TIA1: variants seen among roughly 807,000 people sequenced by gnomAD.
The protein encoded by TIA1 is TIA1 cytotoxic granule associated RNA binding protein.
In TIA1, 23 loss-of-function variants were observed where a neutral mutation model predicts 65.9. The observed-to-expected ratio is 0.35, with a 90% CI of 0.25 to 0.49. The LOEUF (loss-of-function observed/expected upper bound fraction) is 0.49. Among genes scored for constraint, TIA1 ranks in the 20% least tolerant of loss-of-function variants. The probability of loss-of-function intolerance (pLI) is 0.98; values close to 1 mark genes in which losing one functional copy is unlikely to be tolerated. For synonymous variants in TIA1, 147 were observed against 149.4 expected (o/e 0.98, Z 0.12); for missense variants, 371 against 477.9 (o/e 0.78, Z 2.09).
chr2:70,224,923 A>T, intron 6 of TIA1: 1 of 1,119,044 alleles, frequency 8.9e-7, no homozygotes, highest in Non-Finnish European at 1.1e-6. Context: ...GCAGCTACTC[A>T]CATGAACTAC....
At chr2:70,215,068 G>C in intron 11 of TIA1, 1 of 275,548 alleles carries the variant, frequency 3.6e-6, no homozygotes. Flanking sequence ...GCATGCTTGT[G>C]AGTTCTCCAA....
chr2:70,214,643 AAAAAAAAAAAAAAAAC>A, intron 11 of TIA1, 149 bp from the exon 12 acceptor site: 1 of 493,614 alleles, frequency 2.0e-6, no homozygotes, highest in Non-Finnish European at 3.3e-6. Context: ...AAAAAAAAAA[AAAAAAAAAAAAAAAAC>A]AAAAAACAAC....
intron 8 of TIA1, 81 bp from the exon 9 acceptor site, chr2:70,216,580 G>T: frequency 7.2e-7 from 1 of 1,391,164 alleles, no homozygotes; most frequent in Non-Finnish European, 1.0e-6. Context: ...CTACACTACT[G>T]TAAAGGTAAC....
At chr2:70,248,648 A>G (rs928567396), upstream of TIA1, 11 of 636,786 alleles carry the variant, frequency 1.7e-5, no homozygotes, top group Non-Finnish European at 3.0e-5. Flanking sequence ...GCCTAGGAGC[A>G]GCCAGCAAAG....
At chr2:70,216,548 A>G (rs751104389) in intron 8 of TIA1, 49 bp from the exon 9 acceptor site, 13 of 1,552,840 alleles carry the variant, frequency 8.4e-6, no homozygotes, top group Non-Finnish European at 1.1e-5. Context: ...TAAAATGTGC[A>G]GAAAGAGAAA....
At position 70,230,477 on chromosome 2, in the gene TIA1, C is replaced by T. The variant is rs41291185; in HGVS notation, c.222+279G>A. 0.05 allele frequency among the ~76,000 whole-genome samples: 7,586 copies of T among 151,892 alleles called. 295 individuals are homozygous for T. Among genetic ancestry groups the T allele is most frequent in the Non-Finnish European group, 0.072 (4,920 of 67,938 alleles). The stretch of plus-strand genomic sequence containing the variant: ...ACCAGTCTGGCTAACATGGTGAAAC[C>T]TCATTTCTACTAAAAATACGAAAAA... On this transcript the variant is annotated intron_variant, in intron 3 of 12. Transcript: ENST00000433529.
intron 6 of TIA1, chr2:70,224,949 G>A (rs890680504): frequency 2.8e-6 from 3 of 1,070,400 alleles, no homozygotes; most frequent in Non-Finnish European, 3.4e-6. Flanking sequence ...CACTTATAAA[G>A]TTCACAGGAC....
chr2:70,229,753 T>A (rs1021902792), intron 3 of TIA1, among the ~76,000 whole-genome samples: 5 of 151,508 alleles, frequency 3.3e-5, no homozygotes, highest in African/African-American at 7.3e-5. Context: ...AGCCTGGCCA[T>A]CAGAGTGAAA....
rs749223739 is a variant in TIA1, at chr2:70,248,509, G to C, written c.-79C>G. 6.3e-7 allele frequency: 1 copy of C among 1,595,544 alleles called. No individual in the cohort carries two copies. The highest frequency in any genetic ancestry group is 1.3e-5 in the African/African-American group (1 of 74,892). On this transcript the variant is annotated 5_prime_UTR_variant, in exon 1 of 13. Coordinates refer to ENST00000433529, the MANE Select transcript of TIA1 (RefSeq NM_022173.4). ...CTCCCAAATCGTTTAAGCGGTTATG[G>C]CTACAGGATAGTGGGGTTTCTCGGC...
chr2:70,223,916 TTTTATTTA>T (rs1188265779), intron 7 of TIA1, among the ~76,000 whole-genome samples: 1 of 151,414 alleles, frequency 6.6e-6, no homozygotes, highest in Non-Finnish European at 1.5e-5. Context: ...ATCACAGTAT[TTTTATTTA>T]TTTATTTATT....
intron 2 of TIA1, among the ~76,000 whole-genome samples, chr2:70,233,423 A>C (rs1212612117): frequency 6.6e-6 from 1 of 152,258 alleles, no homozygotes; most frequent in African/African-American, 2.4e-5. Context: ...ACACAATGGG[A>C]ATTCTATTAC....
intron 7 of TIA1, among the ~76,000 whole-genome samples, chr2:70,220,684 C>T (rs1573323578): frequency 1.3e-5 from 2 of 151,996 alleles, no homozygotes; most frequent in South Asian, 2.1e-4. Context: ...TACTTTGATA[C>T]AGCTCCTCAG....
chr2:70,225,991 T>G (rs1440064973), intron 6 of TIA1, among the ~76,000 whole-genome samples: 1 of 152,174 alleles, frequency 6.6e-6, no homozygotes, highest in Non-Finnish European at 1.5e-5. Flanking sequence ...CATACAGTTA[T>G]CAACTTATCT....
chr2:70,223,313 C>A (rs1239088959), intron 7 of TIA1, among the ~76,000 whole-genome samples: 2 of 150,592 alleles, frequency 1.3e-5, no homozygotes, highest in African/African-American at 4.9e-5. Context: ...CAAATAAATT[C>A]TCTTAATTTT....
In TIA1 at chr2:70,214,355, C is replaced by A; in HGVS notation, c.1028G>T (p.Gly343Val). ...GMYGQAWNQQGFNQTQSSAPW... is the reference protein window; with the variant it reads ...GMYGQAWNQQVFNQTQSSAPW... ...AGACATAAGATATGCTTACTTAAAT[C>A]CTTGCTGGTTCCATGCCTGGCCATA... The change falls in exon 12 of 13, where the codon GGA (glycine) becomes GTA (valine). Residue 343 changes from glycine to valine, a missense_variant. Gly to Val is a moderately radical substitution (Grantham distance 109). Coordinates refer to ENST00000433529, the MANE Select transcript of TIA1 (RefSeq NM_022173.4). The A allele has an allele frequency of 6.2e-7, 1 of 1,611,346 alleles. No homozygotes were observed. Among genetic ancestry groups the A allele is most frequent in the Non-Finnish European group, 8.5e-7 (1 of 1,179,122 alleles).
chr2:70,230,016 A>G (rs2104429777), intron 3 of TIA1, among the ~76,000 whole-genome samples: 1 of 151,958 alleles, frequency 6.6e-6, no homozygotes, highest in South Asian at 2.1e-4. Flanking sequence ...AGACGGGCAG[A>G]TCGGATCATG....
chr2:70,248,335 G>T (rs1376184322), intron 1 of TIA1, 70 bp downstream of exon 1: 9 of 1,524,196 alleles, frequency 5.9e-6, no homozygotes, highest in African/African-American at 4.1e-5. Flanking sequence ...GGCTGGGAGC[G>T]GCGCAGGGCC....
chr2:70,209,823 G>A lies in TIA1; in HGVS notation c.*2896C>T, dbSNP rs1395824832. On this transcript the variant is annotated 3_prime_UTR_variant, in exon 13 of 13. Coordinates refer to ENST00000433529, the MANE Select transcript of TIA1 (RefSeq NM_022173.4). ...TTTTTCTAATTCAACTGTAACCTCA[G>A]GACCACTGTACAGCACTTAGTAAAC... is the stretch of plus-strand genomic sequence containing the variant. 1.3e-5 allele frequency: 5 copies of A among 397,486 alleles called. No individual in the cohort carries two copies. The highest frequency in any genetic ancestry group is 2.1e-5 in the African/African-American group (1 of 48,564). The allele number at this position is 397,486 out of a possible 1,614,324, so 24.6% of individuals were successfully genotyped here. A position where few individuals can be genotyped will look rare whatever the true frequency, so the allele number is the denominator to read the frequency against.
intron 2 of TIA1, among the ~76,000 whole-genome samples, chr2:70,231,369 G>A (rs1358473262): frequency 6.6e-6 from 1 of 151,942 alleles, no homozygotes. Flanking sequence ...AGGCTGAGGT[G>A]GGAGGAATGC....
Sources: allele counts gnomAD v4.1 joint callset (sites outside exome capture counted in the v4.1 genomes callset), GRCh38; gene constraint gnomAD v4.1.1; transcripts MANE v1.5; gene names NCBI Gene and HGNC (gene_info 2026-07-23, HGNC 2026-07-21).